The following DTL variants were observed in gnomAD, a reference collection of about 807,000 sequenced individuals.
DTL encodes denticleless E3 ubiquitin protein ligase adapter.
In DTL, 46 loss-of-function variants were observed where a neutral mutation model predicts 87.0. The observed-to-expected ratio is 0.53, with a 90% CI of 0.42 to 0.68. DTL has a LOEUF of 0.68. Among genes scored for constraint, DTL ranks in the 30% least tolerant of loss-of-function variants. The pLI is 0.00. For missense variants in DTL, 737 were observed against 869.4 expected (o/e 0.85, Z 1.91); for synonymous variants, 308 against 311.2 (o/e 0.99, Z 0.11).
chr1:212,053,290 C>G (rs751024174), intron 5 of DTL, among the ~76,000 whole-genome samples: 2 of 151,706 alleles, frequency 1.3e-5, no homozygotes, highest in Non-Finnish European at 2.9e-5. Flanking sequence ...TTTTTTAAGA[C>G]AGGGTCTGGC....
intron 11 of DTL, 76 bp from the exon 12 acceptor site, chr1:212,078,097 C>A: frequency 1.1e-6 from 1 of 880,972 alleles, no homozygotes; most frequent in Non-Finnish European, 1.9e-6. Flanking sequence ...CTCTAAGACA[C>A]ACTTCTGAAT....
At chr1:212,042,538 G>A (rs1219459569) in intron 1 of DTL, among the ~76,000 whole-genome samples, 2 of 152,198 alleles carry the variant, frequency 1.3e-5, no homozygotes, top group African/African-American at 2.4e-5. Flanking sequence ...TGGTGAATAT[G>A]TTACTGGCTA....
At chr1:212,059,443 G>C (rs10863934) in intron 5 of DTL, among the ~76,000 whole-genome samples, 145,260 of 152,260 alleles carry the variant, frequency 0.95, 69,353 homozygotes, top group East Asian at 1. Context: ...TTAGTAGATA[G>C]AGAAAAATAA....
At chr1:212,086,935 T>C (rs1158927270) in intron 13 of DTL, among the ~76,000 whole-genome samples, 1 of 152,236 alleles carries the variant, frequency 6.6e-6, no homozygotes, top group African/African-American at 2.4e-5. Context: ...TATCTTGCTT[T>C]TAACTATGTA....
rs1365628557 is a variant in DTL at position 212,104,530 on chromosome 1, A to G, written c.*1590A>G. ...CTTTGGGAAGATGTTATTTATGACC[A>G]ATATCTGCCAGTAACGCTGTTTATC... On this transcript the variant is annotated 3_prime_UTR_variant, in exon 15 of 15. Transcript: ENST00000366991. The G allele has an allele frequency of 6.6e-6, 1 of 152,128 alleles. No homozygotes were observed. Among genetic ancestry groups the G allele is most frequent in the Non-Finnish European group, 1.5e-5 (1 of 68,030 alleles). 9.4% of individuals were successfully genotyped at this position (152,128 alleles called of 1,614,324 possible). A position where few individuals can be genotyped will look rare whatever the true frequency, so the allele number is the denominator to read the frequency against.
At chr1:212,059,300 A>G (rs1482967517) in intron 5 of DTL, among the ~76,000 whole-genome samples, 1 of 151,432 alleles carries the variant, frequency 6.6e-6, no homozygotes, top group Non-Finnish European at 1.5e-5. Flanking sequence ...TCAACAGCAC[A>G]TTAAAAAAAA....
In DTL at chr1:212,072,179, G is replaced by A; in HGVS notation, c.1001G>A (p.Ser334Asn). 6.2e-7 allele frequency: 1 copy of A among 1,614,026 alleles called. No individual in the cohort carries two copies. Among genetic ancestry groups the A allele is most frequent in the Non-Finnish European group, 8.5e-7 (1 of 1,179,944 alleles). ...AGTCCAGATGACCAGTTTTTAGTCA[G>A]TGGCTCAAGTGATGAAGCTGCCTAC... The part of the protein sequence containing the change: ...SLSPDDQFLV[S>N]GSSDEAAYIW... Residue 334 changes from serine (S) to asparagine (N), a missense_variant, in exon 11 of 15, where the codon AGT (serine) becomes AAT (asparagine). Ser to Asn is a conservative substitution (Grantham distance 46, BLOSUM62 1). Transcript: ENST00000366991.
chr1:212,078,162 G>T lies in DTL; in HGVS notation c.1036-11G>T, dbSNP rs1019389251. ...TTGCTTTGCTGACTTGTTTGTTTTT[G>T]ATTGGACTAGGTCTCCACACCCTGG... On this transcript the variant is annotated splice_polypyrimidine_tract_variant and intron_variant, in intron 11 of 14. Transcript: ENST00000366991. The T allele has an allele frequency of 5.1e-6, 8 of 1,554,580 alleles. No individual in the cohort carries two copies. The highest frequency in any genetic ancestry group is 3.4e-5 in the Admixed American group (2 of 59,090).
rs745364873 is a variant in DTL at position 212,072,120 on chromosome 1, C to T, written c.942C>T (p.His314=). 1.1e-5 allele frequency: 17 copies of T among 1,613,962 alleles called. No homozygotes were observed. In the East Asian group the frequency reaches 1.1e-4, roughly 11 times the overall value. The part of the protein sequence containing the change: ...KTSPVAIFNG[H]QNSTFYVKSS... ...TGGCAGTGGCTATTTTCAATGGACA[C>T]CAGAACTCTACCTTTTATGTAAAAT... is the stretch of plus-strand genomic sequence containing the variant. The change falls in exon 11 of 15, where the codon CAC becomes CAT. Residue 314 remains histidine, a synonymous_variant. Transcript: ENST00000366991.
At chr1:212,044,527 C>T in intron 2 of DTL, 133 bp from the exon 3 acceptor site, 1 of 545,674 alleles carries the variant, frequency 1.8e-6, no homozygotes, top group Non-Finnish European at 3.3e-6. Flanking sequence ...TCACTTGAAC[C>T]CAGGAGGTGG....
At chr1:212,078,340 ATGATATAAATTT>A in intron 12 of DTL, 78 bp downstream of exon 12, 1 of 912,622 alleles carries the variant, frequency 1.1e-6, no homozygotes, top group Non-Finnish European at 1.8e-6. Flanking sequence ...TGTTTTGAGA[ATGATATAAATTT>A]TTATGTTTAA....
intron 6 of DTL, among the ~76,000 whole-genome samples, chr1:212,063,332 A>G (rs987581599): frequency 2.0e-5 from 3 of 149,988 alleles, no homozygotes; most frequent in Non-Finnish European, 4.4e-5. Flanking sequence ...TCTGTCACCC[A>G]GGCTGGAGTG....
At chr1:212,084,157 G>A (rs150170810) in intron 13 of DTL, among the ~76,000 whole-genome samples, 21 of 151,134 alleles carry the variant, frequency 1.4e-4, no homozygotes, top group African/African-American at 5.1e-4. Flanking sequence ...TGATGGTGCT[G>A]CCTTATTTGT....
intron 3 of DTL, among the ~76,000 whole-genome samples, chr1:212,045,975 C>T (rs1283870864): frequency 6.6e-6 from 1 of 151,684 alleles, no homozygotes; most frequent in Admixed American, 6.6e-5. Context: ...GATGGGGTTT[C>T]ACCACATTAG....
At chr1:212,074,889 A>G (rs1294473755) in intron 11 of DTL, among the ~76,000 whole-genome samples, 1 of 152,210 alleles carries the variant, frequency 6.6e-6, no homozygotes, top group Non-Finnish European at 1.5e-5. Context: ...AAGAGGAAAT[A>G]TAATATATTC....
chr1:212,070,588 G>A (rs1438233301), intron 10 of DTL, among the ~76,000 whole-genome samples: 1 of 151,566 alleles, frequency 6.6e-6, no homozygotes, highest in Non-Finnish European at 1.5e-5. Flanking sequence ...TCCAGCCTGG[G>A]TGACAGAGTA....
intron 5 of DTL, among the ~76,000 whole-genome samples, chr1:212,050,884 A>G (rs1203136188): frequency 1.3e-5 from 2 of 152,162 alleles, no homozygotes; most frequent in Non-Finnish European, 2.9e-5. Flanking sequence ...TCTAATTATC[A>G]GAAAGCACGA....
rs551998182 is a variant in DTL, at chr1:212,092,181, C to T, written c.1262-8071C>T. 6.6e-5 allele frequency among the ~76,000 whole-genome samples: 10 copies of T among 152,280 alleles called. No individual in the cohort carries two copies. In the South Asian group the frequency reaches 1.9e-3, roughly 28 times the overall value. On this transcript the variant is annotated intron_variant, in intron 13 of 14. Transcript: ENST00000366991. ...GCCTTTGCGTCCTCATAGCTTAGCTCCCACTTATAAGTGAGAACATACGAT... is the reference window on the plus strand; with the variant it reads ...GCCTTTGCGTCCTCATAGCTTAGCTTCCACTTATAAGTGAGAACATACGAT...
At chr1:212,071,466 AAC>A (rs1237229358) in intron 10 of DTL, among the ~76,000 whole-genome samples, 3 of 152,262 alleles carry the variant, frequency 2.0e-5, no homozygotes, top group East Asian at 3.9e-4. Context: ...CTTACATATA[AAC>A]AGTTTACTCC....
Sources: gnomAD v4.1 joint callset for allele counts (sites outside exome capture counted in the v4.1 genomes callset) on GRCh38, gnomAD v4.1.1 for gene constraint, MANE v1.5 for transcripts, NCBI Gene and HGNC (gene_info 2026-07-23, HGNC 2026-07-21) for gene names.